The following CERS6 variants were observed in gnomAD, a reference collection of about 807,000 sequenced individuals.
CERS6 encodes the protein ceramide synthase 6.
CERS6 carries 26 observed loss-of-function variants against 56.8 expected under a neutral mutation model. The observed-to-expected ratio is 0.46, with a 90% CI of 0.34 to 0.63. The LOEUF (loss-of-function observed/expected upper bound fraction) is 0.63, where lower values mean the gene tolerates loss of function less well. CERS6 is among the 30% of genes least tolerant of loss of function. The pLI, the probability that CERS6 is intolerant of heterozygous loss-of-function variation, is 0.01. For synonymous variants in CERS6, 164 were observed against 173.3 expected (o/e 0.95, Z 0.42); for missense variants, 415 against 467.5 (o/e 0.89, Z 1.04).
intron 1 of CERS6, among the ~76,000 whole-genome samples, chr2:168,463,580 AT>A (rs1389737723): frequency 6.6e-6 from 1 of 152,114 alleles, no homozygotes; most frequent in Non-Finnish European, 1.5e-5. Flanking sequence ...ACCCATTCGT[AT>A]TTCCTTATCA....
At chr2:168,663,895 A>G (rs1685693671) in intron 4 of CERS6, among the ~76,000 whole-genome samples, 1 of 152,200 alleles carries the variant, frequency 6.6e-6, no homozygotes, top group Non-Finnish European at 1.5e-5. Context: ...CAGTTAAAAA[A>G]AATGGCTGCT....
At chr2:168,758,013 G>A (rs1310055236) in intron 8 of CERS6, among the ~76,000 whole-genome samples, 4 of 152,188 alleles carry the variant, frequency 2.6e-5, no homozygotes, top group Non-Finnish European at 4.4e-5. Flanking sequence ...AGGGTTGCTT[G>A]TAATCATGAC....
intron 1 of CERS6, among the ~76,000 whole-genome samples, chr2:168,501,138 T>C (rs1057206366): frequency 1.3e-5 from 2 of 152,238 alleles, no homozygotes; most frequent in African/African-American, 4.8e-5. Context: ...GGCAGTTCAC[T>C]GTCGTTGTTG....
chr2:168,603,413 A>T (rs1683979969), intron 3 of CERS6, among the ~76,000 whole-genome samples: 1 of 152,196 alleles, frequency 6.6e-6, no homozygotes, highest in Non-Finnish European at 1.5e-5. Flanking sequence ...ACAGAGAATG[A>T]CTATCAATAG....
chr2:168,671,128 T>A (rs1380515265), intron 4 of CERS6, among the ~76,000 whole-genome samples: 1 of 151,750 alleles, frequency 6.6e-6, no homozygotes, highest in Non-Finnish European at 1.5e-5. Context: ...ACCTAGCTAA[T>A]TTTTGTATTT....
At chr2:168,614,477 G>T (rs1245994967) in intron 3 of CERS6, among the ~76,000 whole-genome samples, 4 of 152,234 alleles carry the variant, frequency 2.6e-5, no homozygotes, top group Admixed American at 1.3e-4. Flanking sequence ...CCTGGGGCAA[G>T]TTCTCAGCCC....
chr2:168,703,733 C>CA (rs1192567245), intron 6 of CERS6, among the ~76,000 whole-genome samples: 1 of 152,152 alleles, frequency 6.6e-6, no homozygotes, highest in African/African-American at 2.4e-5. Flanking sequence ...TACCTATAGA[C>CA]ACAGTCAGGA....
At chr2:168,661,196 A>G (rs1166367559) in intron 4 of CERS6, among the ~76,000 whole-genome samples, 1 of 152,222 alleles carries the variant, frequency 6.6e-6, no homozygotes, top group Non-Finnish European at 1.5e-5. Context: ...ATCCAAGTAT[A>G]GTTGTATCCT....
intron 8 of CERS6, among the ~76,000 whole-genome samples, chr2:168,755,953 T>C (rs1684404770): frequency 6.6e-6 from 1 of 152,136 alleles, no homozygotes; most frequent in African/African-American, 2.4e-5. Flanking sequence ...AAACATACCA[T>C]TGAAATCTCT....
rs192736416 is a variant in CERS6, at chr2:168,730,727, C to T, written c.845+12749C>T. On this transcript the variant is annotated intron_variant, in intron 8 of 9. Transcript: ENST00000305747. ...TATCTTAAGTACTTTTTTGAAAGGA[C>T]GGCATATAAACCCACTTATAATTTT... Among the ~76,000 whole-genome samples, 161 of 152,196 alleles carry T rather than the reference C, an allele frequency of 1.1e-3. 4 individuals carry two copies. The East Asian group carries it at 0.011, about 11-fold the overall frequency.
intron 6 of CERS6, among the ~76,000 whole-genome samples, chr2:168,710,445 C>A (rs1347292530): frequency 8.5e-5 from 13 of 152,150 alleles, no homozygotes; most frequent in Non-Finnish European, 1.6e-4. Context: ...TTAAGCATAG[C>A]AAATATAAAC....
intron 4 of CERS6, among the ~76,000 whole-genome samples, chr2:168,661,574 A>C (rs1424669339): frequency 6.6e-6 from 1 of 152,162 alleles, no homozygotes; most frequent in Non-Finnish European, 1.5e-5. Context: ...AGTAGTTCAG[A>C]GGGGTATTGT....
intron 3 of CERS6, among the ~76,000 whole-genome samples, chr2:168,598,557 C>T (rs1164332086): frequency 6.6e-6 from 1 of 151,902 alleles, no homozygotes; most frequent in Non-Finnish European, 1.5e-5. Context: ...TCACATGGTA[C>T]TCGTAAACCC....
chr2:168,512,945 TG>T (rs1694815547), intron 1 of CERS6, among the ~76,000 whole-genome samples: 1 of 152,126 alleles, frequency 6.6e-6, no homozygotes, highest in South Asian at 2.1e-4. Context: ...GGATTACAGG[TG>T]TGAGCTGCTG....
intron 3 of CERS6, among the ~76,000 whole-genome samples, chr2:168,607,810 T>C (rs968596569): frequency 6.6e-6 from 1 of 152,200 alleles, no homozygotes; most frequent in African/African-American, 2.4e-5. Context: ...TTTGGAAGCA[T>C]ACAAAGAGAA....
rs116875361 is a variant in CERS6, at chr2:168,599,929, A to G, written c.408-31056A>G. On this transcript the variant is annotated intron_variant, in intron 3 of 9. Transcript: ENST00000305747. ...GACCAGAATGGCCTTTGATGTCAGA[A>G]TCACCTGGGGGTAAAATCTGACTTC... 2.0e-4 allele frequency among the ~76,000 whole-genome samples: 31 copies of G among 152,324 alleles called. No homozygotes were observed. In the East Asian group the frequency reaches 5.2e-3, roughly 26 times the overall value.
intron 3 of CERS6, among the ~76,000 whole-genome samples, chr2:168,562,393 T>C (rs1006824829): frequency 4.6e-5 from 7 of 152,238 alleles, no homozygotes; most frequent in Admixed American, 4.6e-4. Context: ...GGACCTGCAC[T>C]GGCACCAGCC....
intron 4 of CERS6, among the ~76,000 whole-genome samples, chr2:168,680,307 G>A (rs950422612): frequency 3.9e-5 from 6 of 152,322 alleles, no homozygotes; most frequent in African/African-American, 1.4e-4. Context: ...ATCCAGGCAC[G>A]GGCATCTCAC....
chr2:168,495,168 T>C (rs1437518116), intron 1 of CERS6, among the ~76,000 whole-genome samples: 1 of 152,222 alleles, frequency 6.6e-6, no homozygotes, highest in East Asian at 1.9e-4. Context: ...ATACTTGTGA[T>C]AGTCTGACTC....
Sources: allele counts gnomAD v4.1 joint callset (sites outside exome capture counted in the v4.1 genomes callset), GRCh38; gene constraint gnomAD v4.1.1; transcripts MANE v1.5; gene names NCBI Gene and HGNC (gene_info 2026-07-23, HGNC 2026-07-21).